The following SAMD12 variants were observed in gnomAD, a reference collection of about 807,000 sequenced individuals.
SAMD12 encodes sterile alpha motif domain-containing protein 12.
In SAMD12, 9 loss-of-function variants were observed where a neutral mutation model predicts 15.0. That is an observed-to-expected ratio of 0.60 (90% confidence interval 0.36 to 1.05). The LOEUF is 1.05. Among genes scored for constraint, SAMD12 ranks in the 50% least tolerant of loss-of-function variants. The probability of loss-of-function intolerance (pLI) is 0.01; values close to 1 mark genes in which losing one functional copy is unlikely to be tolerated. For synonymous variants in SAMD12, 86 were observed against 90.1 expected, an observed-to-expected ratio of 0.96 and a Z score of 0.25; for missense variants, 230 against 234.2, an observed-to-expected ratio of 0.98 and a Z score of 0.12.
chr8:118,510,296 G>A (rs1825043584), intron 2 of SAMD12, among the ~76,000 whole-genome samples: 1 of 151,896 alleles, frequency 6.6e-6, no homozygotes, highest in Admixed American at 6.6e-5. Flanking sequence ...TGCCTAAGTA[G>A]GCTCAGTGTA....
At chr8:118,133,120 T>C in the SAMD12 span, among the ~76,000 whole-genome samples, 1 of 149,882 alleles carries the variant, frequency 6.7e-6, no homozygotes, top group African/African-American at 2.4e-5. Context: ...GTTGACAAAA[T>C]TGGCATTTCA....
At chr8:118,169,838 C>A in the SAMD12 span, among the ~76,000 whole-genome samples, 1 of 152,174 alleles carries the variant, frequency 6.6e-6, no homozygotes, top group South Asian at 2.1e-4. Flanking sequence ...GGTAATTTTT[C>A]TCAAAGACTG....
At chr8:118,318,327 T>TATATATATATATATATATACAC (rs1563758928) in intron 4 of SAMD12, among the ~76,000 whole-genome samples, 3 of 35,056 alleles carry the variant, frequency 8.6e-5, no homozygotes, top group Non-Finnish European at 2.8e-4. Context: ...TATATATATA[T>TATATATATATATATATATACAC]ATATATATAT....
intron 4 of SAMD12, among the ~76,000 whole-genome samples, chr8:118,348,596 TCTC>T (rs1238035447): frequency 6.6e-6 from 1 of 152,042 alleles, no homozygotes; most frequent in Non-Finnish European, 1.5e-5. Flanking sequence ...ATGGTCTTGA[TCTC>T]CTGACATCGT....
chr8:118,566,058 C>T (rs964458320), intron 2 of SAMD12, among the ~76,000 whole-genome samples: 1 of 152,172 alleles, frequency 6.6e-6, no homozygotes, highest in African/African-American at 2.4e-5. Context: ...AGAGTCTTCT[C>T]TTTATAAGTC....
At chr8:118,220,246 C>T (rs148830265) in intron 4 of SAMD12, among the ~76,000 whole-genome samples, 15 of 152,230 alleles carry the variant, frequency 9.9e-5, no homozygotes, top group South Asian at 4.2e-4. Context: ...CAGGAATGGA[C>T]GTGGTGAATA....
chr8:118,585,815 G>A (rs1827424728), intron 1 of SAMD12, among the ~76,000 whole-genome samples: 1 of 152,112 alleles, frequency 6.6e-6, no homozygotes, highest in South Asian at 2.1e-4. Context: ...ATGTGATTTA[G>A]GTGACAGTAA....
chr8:118,532,421 A>C (rs1825715345), intron 2 of SAMD12, among the ~76,000 whole-genome samples: 1 of 152,032 alleles, frequency 6.6e-6, no homozygotes, highest in African/African-American at 2.4e-5. Flanking sequence ...TGTCTCTGCC[A>C]GGCTTTGATA....
At chr8:118,606,748 A>T (rs919686381) in intron 1 of SAMD12, among the ~76,000 whole-genome samples, 9 of 152,194 alleles carry the variant, frequency 5.9e-5, no homozygotes, top group Admixed American at 3.3e-4. Context: ...AAAAACCTCA[A>T]CGCCCTAGAA....
intron 4 of SAMD12, among the ~76,000 whole-genome samples, chr8:118,307,112 C>T (rs1815389601): frequency 6.6e-6 from 1 of 152,172 alleles, no homozygotes; most frequent in African/African-American, 2.4e-5. Context: ...CCAGCATGAC[C>T]TAACATCACA....
At chr8:118,243,651 GA>G (rs1453571811) in intron 4 of SAMD12, among the ~76,000 whole-genome samples, 7 of 151,968 alleles carry the variant, frequency 4.6e-5, no homozygotes, top group African/African-American at 7.3e-5. Context: ...TTATATGAAG[GA>G]AACAACTTCA....
At chr8:118,263,518 T>G (rs957553002) in intron 4 of SAMD12, among the ~76,000 whole-genome samples, 1 of 152,060 alleles carries the variant, frequency 6.6e-6, no homozygotes, top group African/African-American at 2.4e-5. Context: ...AAAAATCTAT[T>G]AGTGAGTCAA....
intron 2 of SAMD12, among the ~76,000 whole-genome samples, chr8:118,490,219 T>C (rs1466313181): frequency 6.6e-6 from 1 of 152,160 alleles, no homozygotes; most frequent in Non-Finnish European, 1.5e-5. Flanking sequence ...AATCAATTTT[T>C]CTCAATACAA....
the SAMD12 span, among the ~76,000 whole-genome samples, chr8:118,148,374 G>T: frequency 6.6e-6 from 1 of 151,946 alleles, no homozygotes; most frequent in Non-Finnish European, 1.5e-5. Flanking sequence ...TTAATTTTGG[G>T]TATGTATATA....
intron 3 of SAMD12, among the ~76,000 whole-genome samples, chr8:118,425,390 T>A (rs528970701): frequency 6.6e-6 from 1 of 152,034 alleles, no homozygotes; most frequent in East Asian, 1.9e-4. Context: ...AAAAAAGAAA[T>A]CAGAGTTGGG....
intron 2 of SAMD12, among the ~76,000 whole-genome samples, chr8:118,444,175 A>G (rs146326809): frequency 2.1e-4 from 32 of 152,362 alleles, no homozygotes; most frequent in African/African-American, 7.7e-4. Flanking sequence ...TACTAGAAAC[A>G]GTAAGCTCAT....
chr8:118,321,140 AATAAATATATATAT>A (rs1195722551), intron 4 of SAMD12, among the ~76,000 whole-genome samples: 4 of 78,754 alleles, frequency 5.1e-5, no homozygotes, highest in East Asian at 1.2e-3. Flanking sequence ...TATCATAGAT[AATAAATATATATAT>A]ATATATATAT....
At chr8:118,469,351 C>G (rs1025217237) in intron 2 of SAMD12, among the ~76,000 whole-genome samples, 1 of 146,356 alleles carries the variant, frequency 6.8e-6, no homozygotes, top group Non-Finnish European at 1.5e-5. Context: ...ATTTGCCTAG[C>G]CTGTCACATG....
intron 2 of SAMD12, among the ~76,000 whole-genome samples, chr8:118,459,931 G>A (rs7828344): frequency 0.028 from 4,193 of 152,322 alleles, 173 homozygotes; most frequent in African/African-American, 0.08. Flanking sequence ...GTGGTGACAA[G>A]TGCCATGGAA....
Sources: allele counts gnomAD v4.1 joint callset (sites outside exome capture counted in the v4.1 genomes callset), GRCh38; gene constraint gnomAD v4.1.1; transcripts MANE v1.5; gene names NCBI Gene and HGNC (gene_info 2026-07-23, HGNC 2026-07-21).